The following BAD variants were observed in gnomAD, a reference collection of about 807,000 sequenced individuals.
The protein encoded by BAD is BCL2 associated agonist of cell death.
Under a neutral mutation model 17.8 loss-of-function variants are expected in BAD, and 18 were observed. The ratio of observed to expected loss-of-function variants is 1.01; its 90% CI spans 0.70 to 1.50. BAD has a LOEUF of 1.50. Ranked by LOEUF, BAD falls within the 40% of genes most tolerant of loss-of-function variation. The pLI is 0.00. For missense variants in BAD, 294 were observed against 239.3 expected (o/e 1.23, Z -1.51); for synonymous variants, 112 against 91.5 (o/e 1.22, Z -1.28).
chr11:64,269,925 TG>T lies in BAD; in HGVS notation c.*283del. 1 of 708,208 alleles carries T rather than the reference TG, an allele frequency of 1.4e-6. No individual in the cohort carries two copies. The highest frequency in any genetic ancestry group is 2.5e-6 in the Non-Finnish European group (1 of 392,988). 43.9% of individuals were successfully genotyped at this position (708,208 alleles called of 1,614,324 possible). A position where few individuals can be genotyped will look rare whatever the true frequency, so the allele number is the denominator to read the frequency against. ...GTCCCGGTGACGCAACGGTTAAACC[TG>T]GCTCGCGACTTAGCGCAGGCGCCTG... On this transcript the variant is annotated 3_prime_UTR_variant, in exon 4 of 4. Coordinates refer to ENST00000309032, the MANE Select transcript of BAD (RefSeq NM_032989.3).
At chr11:64,277,120 CAGT>C (rs2033127424) in intron 2 of BAD, 2 of 645,462 alleles carry the variant, frequency 3.1e-6, no homozygotes, top group Non-Finnish European at 5.7e-6. Context: ...TTAATTAAAA[CAGT>C]GGTGTTCCAG....
intron 3 of BAD, 57 bp downstream of exon 3, chr11:64,271,556 A>T: frequency 7.3e-7 from 1 of 1,363,132 alleles, no homozygotes; most frequent in East Asian, 3.0e-5. Context: ...GCAGGGACAG[A>T]CCGGCGGGGG....
At chr11:64,271,531 G>C (rs1013117651) in intron 3 of BAD, 82 bp downstream of exon 3, 3 of 1,298,064 alleles carry the variant, frequency 2.3e-6, no homozygotes, top group East Asian at 3.1e-5. Context: ...AGATCCGGGC[G>C]TGCCTTGGGA....
intron 2 of BAD, among the ~76,000 whole-genome samples, chr11:64,279,569 AG>A (rs2033294354): frequency 6.6e-6 from 1 of 151,736 alleles, no homozygotes; most frequent in Non-Finnish European, 1.5e-5. Context: ...ATTCGAGACC[AG>A]CCTGGCCAAC....
chr11:64,282,050 C>T (rs1009877540), intron 2 of BAD, among the ~76,000 whole-genome samples: 9 of 152,174 alleles, frequency 5.9e-5, no homozygotes, highest in African/African-American at 1.7e-4. Flanking sequence ...TGCCCCCATA[C>T]AAATCTTCTC....
chr11:64,270,731 G>A, intron 3 of BAD: 1 of 480,882 alleles, frequency 2.1e-6, no homozygotes. Context: ...GGAGTTCCAG[G>A]CTGCAGTGAG....
At chr11:64,278,546 G>C (rs1364375131) in intron 2 of BAD, among the ~76,000 whole-genome samples, 2 of 152,272 alleles carry the variant, frequency 1.3e-5, no homozygotes, top group East Asian at 3.9e-4. Flanking sequence ...GGTGGGACTA[G>C]TTCTATTCCC....
intron 2 of BAD, among the ~76,000 whole-genome samples, chr11:64,283,760 A>C (rs2033642076): frequency 6.6e-6 from 1 of 152,084 alleles, no homozygotes; most frequent in South Asian, 2.1e-4. Flanking sequence ...CCTGCCTGTC[A>C]CTGATTTCTG....
chr11:64,282,399 C>G (rs1221930610), intron 2 of BAD, among the ~76,000 whole-genome samples: 2 of 151,400 alleles, frequency 1.3e-5, no homozygotes, highest in Non-Finnish European at 2.9e-5. Context: ...CCCAGGAATT[C>G]GAGACAAGAC....
chr11:64,278,847 G>A (rs550341698), intron 2 of BAD, among the ~76,000 whole-genome samples: 11 of 152,342 alleles, frequency 7.2e-5, no homozygotes, highest in Admixed American at 2.0e-4. Context: ...GTTGCTCTGC[G>A]CAGGTAGAGA....
At chr11:64,270,481 G>C (rs760982455) in intron 3 of BAD, 144 bp from the exon 4 acceptor site, 2 of 1,188,968 alleles carry the variant, frequency 1.7e-6, no homozygotes, top group Non-Finnish European at 2.3e-6. Context: ...ACGCCGGGCG[G>C]TCAGGGACGC....
rs534875657 is a variant in BAD, at chr11:64,271,625, C to T, written c.366G>A (p.Val122=). Residue 122 remains valine (V), a synonymous_variant, in exon 3 of 4, where the codon GTG becomes GTA. Transcript: ENST00000309032. The part of the protein sequence containing the change: ...RELRRMSDEF[V]DSFKKGLPRP... ...GACTGGCGCTCACCTTAAAGGAGTC[C>T]ACAAACTCGTCACTCATCCTCCGGA... The T allele has an allele frequency of 3.3e-6, 5 of 1,498,514 alleles. No individual in the cohort carries two copies. The highest frequency in any genetic ancestry group is 1.4e-5 in the African/African-American group (1 of 69,780). 92.8% of individuals were successfully genotyped at this position (1,498,514 alleles called of 1,614,324 possible). A position where few individuals can be genotyped will look rare whatever the true frequency, so the allele number is the denominator to read the frequency against.
At chr11:64,271,296 T>A (rs10897479) in intron 3 of BAD, among the ~76,000 whole-genome samples, 3 of 2,268 alleles carry the variant, frequency 1.3e-3, no homozygotes, top group African/African-American at 4.9e-3. Flanking sequence ...CCTGTGACTC[T>A]CACACACACA....
intron 2 of BAD, among the ~76,000 whole-genome samples, chr11:64,282,027 C>T (rs569245957): frequency 7.2e-5 from 11 of 152,278 alleles, no homozygotes; most frequent in South Asian, 4.1e-4. Context: ...CCTCTCTTAA[C>T]TCTTTTACAT....
rs541265239 is a variant in BAD, at chr11:64,269,984, G to A, written c.*225C>T. The stretch of plus-strand genomic sequence containing the variant: ...GCCCGGAGCCTGAGGGCGGGGCCAC[G>A]GAGCCACTTCCGGCGGCTGTGGGCG... On this transcript the variant is annotated 3_prime_UTR_variant, in exon 4 of 4. Transcript: ENST00000309032. The A allele has an allele frequency of 8.4e-6, 7 of 831,166 alleles. No homozygotes were observed. In the South Asian group the frequency reaches 8.8e-5, roughly 10 times the overall value. 51.5% of individuals were successfully genotyped at this position (831,166 alleles called of 1,614,324 possible). A position where few individuals can be genotyped will look rare whatever the true frequency, so the allele number is the denominator to read the frequency against.
Position 64,271,658 on chromosome 11 carries a change from G to A in BAD, c.333C>T (p.Gly111=), listed in dbSNP as rs1311826082. 2 of 1,509,150 alleles carry A rather than the reference G, an allele frequency of 1.3e-6. No homozygotes were observed. The highest frequency in any genetic ancestry group is 1.8e-6 in the Non-Finnish European group (2 of 1,127,916). The allele number at this position is 1,509,150 out of a possible 1,614,324, so 93.5% of individuals were successfully genotyped here. Residue 111 remains glycine (G), a synonymous_variant, in exon 3 of 4, where the codon GGC becomes GGT. Transcript: ENST00000309032. ...CGTCACTCATCCTCCGGAGCTCGCGGCCATAGCGCTGTGCTGCCCAGAGGT... is the reference window on the plus strand; with the variant it reads ...CGTCACTCATCCTCCGGAGCTCGCGACCATAGCGCTGTGCTGCCCAGAGGT... ...PPNLWAAQRY[G]RELRRMSDEF...
intron 2 of BAD, among the ~76,000 whole-genome samples, chr11:64,275,236 A>G (rs1195676535): frequency 1.3e-5 from 2 of 151,738 alleles, no homozygotes; most frequent in African/African-American, 4.8e-5. Flanking sequence ...GCTCATGCCT[A>G]TAATCCCAGC....
Position 64,271,715 on chromosome 11 carries a change from G to A in BAD, c.276C>T (p.Pro92=). The A allele has an allele frequency of 1.4e-6, 2 of 1,461,088 alleles. No individual in the cohort carries two copies. Among genetic ancestry groups the A allele is most frequent in the Non-Finnish European group, 1.8e-6 (2 of 1,106,692 alleles). The allele number at this position is 1,461,088 out of a possible 1,614,324, so 90.5% of individuals were successfully genotyped here. ...GCGCCGAGCGCGAGCGGCCCCGAAA[G>A]GGGCTGGGCTCCTCCCCCATCCCTT... is the stretch of plus-strand genomic sequence containing the variant. The part of the protein sequence containing the change: ...DDEGMGEEPS[P]FRGRSRSAPP... Residue 92 remains proline, a synonymous_variant, in exon 3 of 4, where the codon CCC becomes CCT. Coordinates refer to ENST00000309032, the MANE Select transcript of BAD (RefSeq NM_032989.3).
rs2033697404 is a variant in BAD, at chr11:64,284,324, G to A, written c.45C>T (p.Ser15=). The part of the protein sequence containing the change: ...PEFEPSEQED[S]SSAERGLGPS... Reference sequence around the variant, plus strand: ...GGCCCAGGCCCCTCTCTGCAGAGCTGGAGTCTTCCTGCTCACTCGGCTCAA... The same window carrying A: ...GGCCCAGGCCCCTCTCTGCAGAGCTAGAGTCTTCCTGCTCACTCGGCTCAA... Residue 15 remains serine, a synonymous_variant, in exon 2 of 4, where the codon TCC becomes TCT. Transcript: ENST00000309032. 2 of 1,612,690 alleles carry A rather than the reference G, an allele frequency of 1.2e-6. No homozygotes were observed. Among genetic ancestry groups the A allele is most frequent in the Non-Finnish European group, 1.7e-6 (2 of 1,179,966 alleles).
Sources: gnomAD v4.1 joint callset for allele counts (sites outside exome capture counted in the v4.1 genomes callset) on GRCh38, gnomAD v4.1.1 for gene constraint, MANE v1.5 for transcripts, NCBI Gene and HGNC (gene_info 2026-07-23, HGNC 2026-07-21) for gene names.